The following AGTR1 variants were observed in gnomAD, a reference collection of about 807,000 sequenced individuals.
AGTR1 encodes the protein type-1 angiotensin II receptor.
In AGTR1, 16 loss-of-function variants were observed where a neutral mutation model predicts 19.4. That is an observed-to-expected ratio of 0.82 (90% CI 0.56 to 1.25). The LOEUF is 1.25. AGTR1 is among the 50% of genes most tolerant of loss of function. The pLI, the probability that AGTR1 is intolerant of heterozygous loss-of-function variation, is 0.00. For synonymous variants in AGTR1, 153 were observed against 154.9 expected (o/e 0.99, Z 0.09); for missense variants, 373 against 431.9 (o/e 0.86, Z 1.21).
intron 2 of AGTR1, among the ~76,000 whole-genome samples, chr3:148,735,536 GTAA>G (rs1281098986): frequency 2.0e-5 from 3 of 152,130 alleles, no homozygotes; most frequent in Non-Finnish European, 2.9e-5. Flanking sequence ...ACTATAAATA[GTAA>G]AGCAATTGGG....
At chr3:148,721,732 G>T (rs1047735802) in intron 2 of AGTR1, among the ~76,000 whole-genome samples, 2 of 152,196 alleles carry the variant, frequency 1.3e-5, no homozygotes, top group African/African-American at 4.8e-5. Context: ...GAGTACCAGA[G>T]AGTTGAGAGC....
rs1439602978 is a variant in AGTR1 at position 148,742,035 on chromosome 3, A to G, written c.1000A>G (p.Met334Val). ...AKSHSNLSTKMSTLSYRPSDN... is the reference protein window; with the variant it reads ...AKSHSNLSTKVSTLSYRPSDN... ...ATCCCACTCAAACCTTTCAACAAAAATGAGCACGCTTTCCTACCGCCCCTC... is the reference window on the plus strand; with the variant it reads ...ATCCCACTCAAACCTTTCAACAAAAGTGAGCACGCTTTCCTACCGCCCCTC... Residue 334 changes from methionine to valine, a missense_variant, in exon 3 of 3, where the codon ATG (methionine) becomes GTG (valine). Physicochemically the swap from Met to Val is conservative, Grantham distance 21. Transcript: ENST00000349243. The G allele has an allele frequency of 1.9e-6, 3 of 1,614,052 alleles. No individual in the cohort carries two copies. The highest frequency in any genetic ancestry group is 2.5e-6 in the Non-Finnish European group (3 of 1,180,006).
At chr3:148,713,456 A>G (rs964468026) in intron 2 of AGTR1, among the ~76,000 whole-genome samples, 3 of 152,180 alleles carry the variant, frequency 2.0e-5, no homozygotes, top group East Asian at 3.9e-4. Flanking sequence ...CTCAATATGT[A>G]TAATTAGTTT....
intron 2 of AGTR1, among the ~76,000 whole-genome samples, chr3:148,710,855 C>A (rs1427454087): frequency 6.6e-6 from 1 of 152,032 alleles, no homozygotes; most frequent in Non-Finnish European, 1.5e-5. Context: ...GGTGCCCTCC[C>A]CATGTTAATG....
At chr3:148,702,427 CT>C (rs1161291285) in intron 1 of AGTR1, among the ~76,000 whole-genome samples, 1 of 152,154 alleles carries the variant, frequency 6.6e-6, no homozygotes, top group Non-Finnish European at 1.5e-5. Flanking sequence ...GCTGCAGGTA[CT>C]TACAGAGGAA....
chr3:148,716,689 G>A lies in AGTR1; in HGVS notation c.-48+8662G>A, dbSNP rs749453728. ...TCTCTCCTGAAAAGAGATATTATAC[G>A]GCATTTTAGAGAAAACAAACATCTC... is the stretch of plus-strand genomic sequence containing the variant. On this transcript the variant is annotated intron_variant, in intron 2 of 2. Transcript: ENST00000349243. This position sits in a 1 kb window ranked among gnomAD's most constrained non-coding sequence, Gnocchi z 4.7. 2.4e-4 allele frequency among the ~76,000 whole-genome samples: 37 copies of A among 152,152 alleles called. No homozygotes were observed. Among genetic ancestry groups the A allele is most frequent in the Non-Finnish European group, 4.7e-4 (32 of 68,000 alleles).
intron 1 of AGTR1, among the ~76,000 whole-genome samples, chr3:148,701,167 A>T (rs1284407167): frequency 6.6e-6 from 1 of 152,220 alleles, no homozygotes; most frequent in Non-Finnish European, 1.5e-5. Context: ...TCTAAAATGC[A>T]ATATTTCAAT....
intron 2 of AGTR1, among the ~76,000 whole-genome samples, chr3:148,734,311 G>A (rs1714448733): frequency 6.6e-6 from 1 of 152,072 alleles, no homozygotes; most frequent in Non-Finnish European, 1.5e-5. Context: ...GGGTTCTTTG[G>A]GTTCTTAGTT....
At chr3:148,739,893 C>A (rs2107972391) in intron 2 of AGTR1, 1 of 1,231,964 alleles carries the variant, frequency 8.1e-7, no homozygotes, top group Non-Finnish European at 1.0e-6. Context: ...CCACTGCCCA[C>A]CTAGCTGTCC....
rs999257386 is a variant in AGTR1, at chr3:148,731,886, A to G, written c.-47-9103A>G. 1.7e-4 allele frequency among the ~76,000 whole-genome samples: 26 copies of G among 152,236 alleles called. 1 individual carries two copies. The highest frequency in any genetic ancestry group is 1.7e-3 in the Admixed American group (26 of 15,286). On this transcript the variant is annotated intron_variant, in intron 2 of 2. Coordinates refer to ENST00000349243, the MANE Select transcript of AGTR1 (RefSeq NM_000685.5). ...AACTGTGATGGAAGAAAAGGAAACTATGTGATAAAATCAAATAAATATGAC... is the reference window on the plus strand; with the variant it reads ...AACTGTGATGGAAGAAAAGGAAACTGTGTGATAAAATCAAATAAATATGAC...
chr3:148,710,978 G>A (rs1180069861), intron 2 of AGTR1, among the ~76,000 whole-genome samples: 1 of 152,098 alleles, frequency 6.6e-6, no homozygotes, highest in Non-Finnish European at 1.5e-5. Context: ...TAAGCATCCT[G>A]TGGCCTCACC....
intron 2 of AGTR1, among the ~76,000 whole-genome samples, chr3:148,726,642 C>T (rs1432939816): frequency 6.6e-6 from 1 of 152,050 alleles, no homozygotes; most frequent in Non-Finnish European, 1.5e-5. Flanking sequence ...TGTTTCCGTC[C>T]GTTTTTTTAA....
chr3:148,705,243 T>G (rs984343980), intron 1 of AGTR1, among the ~76,000 whole-genome samples: 8 of 152,188 alleles, frequency 5.3e-5, no homozygotes, highest in African/African-American at 1.9e-4. Flanking sequence ...TTGGAAAAAT[T>G]CTCGTAGCAT....
Position 148,741,279 on chromosome 3 carries a change from C to T in AGTR1, c.244C>T (p.Pro82Ser), listed in dbSNP as rs968984924. 6.2e-7 allele frequency: 1 copy of T among 1,613,240 alleles called. No homozygotes were observed. Among genetic ancestry groups the T allele is most frequent in the Non-Finnish European group, 8.5e-7 (1 of 1,180,010 alleles). Reference protein sequence around the residue: ...LADLCFLLTLPLWAVYTAMEY... With the variant: ...LADLCFLLTLSLWAVYTAMEY... ...TGACTTATGCTTTTTACTGACTTTG[C>T]CACTATGGGCTGTCTACACAGCTAT... The change falls in exon 3 of 3, where the codon CCA becomes TCA. Residue 82 changes from proline to serine, a missense_variant. By Grantham distance (74) the Pro-to-Ser change is moderately conservative. Transcript: ENST00000349243.
At chr3:148,720,142 A>G (rs980224353) in intron 2 of AGTR1, among the ~76,000 whole-genome samples, 11 of 152,152 alleles carry the variant, frequency 7.2e-5, no homozygotes, top group South Asian at 2.1e-4. Flanking sequence ...GGTAGCTACA[A>G]TTAAATATCT....
intron 2 of AGTR1, among the ~76,000 whole-genome samples, chr3:148,732,436 G>T (rs1363547287): frequency 6.6e-6 from 1 of 152,162 alleles, no homozygotes; most frequent in South Asian, 2.1e-4. Flanking sequence ...AAAAACCTGT[G>T]ACTATGATAA....
chr3:148,707,750 T>C (rs1186190986), intron 1 of AGTR1, among the ~76,000 whole-genome samples, 194 bp from the exon 2 acceptor site: 1 of 152,130 alleles, frequency 6.6e-6, no homozygotes, highest in Non-Finnish European at 1.5e-5. Context: ...GGCAGGAAGA[T>C]GATGAGATCC....
chr3:148,736,775 A>G lies in AGTR1; in HGVS notation c.-47-4214A>G, dbSNP rs565587481. On this transcript the variant is annotated intron_variant, in intron 2 of 2. Coordinates refer to ENST00000349243, the MANE Select transcript of AGTR1 (RefSeq NM_000685.5). ...CCTTTCTCTAAGGGGAAATGGTGCT[A>G]TGGAATTCATGTAAGCCACAGAGCT... Among the ~76,000 whole-genome samples, 215 of 152,310 alleles carry G rather than the reference A, an allele frequency of 1.4e-3. 2 individuals are homozygous for G. Among genetic ancestry groups the G allele is most frequent in the African/African-American group, 4.5e-3 (189 of 41,572 alleles).
chr3:148,728,638 G>C (rs1714089682), intron 2 of AGTR1, among the ~76,000 whole-genome samples: 1 of 152,192 alleles, frequency 6.6e-6, no homozygotes, highest in Non-Finnish European at 1.5e-5. Flanking sequence ...TGTGTATAGA[G>C]AAGTTCCATG....
Sources: allele counts gnomAD v4.1 joint callset (sites outside exome capture counted in the v4.1 genomes callset), GRCh38; gene constraint gnomAD v4.1.1; non-coding constraint Gnocchi (gnomAD v3.1); transcripts MANE v1.5; gene names NCBI Gene and HGNC (gene_info 2026-07-23, HGNC 2026-07-21).